TRPC7: variants seen among roughly 807,000 people sequenced by gnomAD.
TRPC7 encodes the protein short transient receptor potential channel 7.
In TRPC7, 42 loss-of-function variants were observed where a neutral mutation model predicts 90.1. The observed-to-expected ratio is 0.47, with a 90% CI of 0.36 to 0.60. TRPC7 has a LOEUF of 0.60. Among genes scored for constraint, TRPC7 ranks in the 20% least tolerant of loss-of-function variants. The pLI, the probability that TRPC7 is intolerant of heterozygous loss-of-function variation, is 0.00. For synonymous variants in TRPC7, 451 were observed against 436.3 expected, an observed-to-expected ratio of 1.03 and a Z score of -0.42; for missense variants, 955 against 1,112.3, an observed-to-expected ratio of 0.86 and a Z score of 2.01.
At chr5:136,218,564 G>T (rs772640533) in intron 10 of TRPC7, among the ~76,000 whole-genome samples, 2 of 152,172 alleles carry the variant, frequency 1.3e-5, no homozygotes, top group Non-Finnish European at 2.9e-5. Flanking sequence ...AAATGGTGTT[G>T]AGGAAAATTC....
At chr5:136,311,426 T>A (rs1758825178) in intron 3 of TRPC7, among the ~76,000 whole-genome samples, 1 of 152,112 alleles carries the variant, frequency 6.6e-6, no homozygotes, top group Non-Finnish European at 1.5e-5. Context: ...GACACTGGGG[T>A]CCCTTCATAA....
At chr5:136,259,609 T>C (rs1213501963) in intron 5 of TRPC7, among the ~76,000 whole-genome samples, 1 of 152,226 alleles carries the variant, frequency 6.6e-6, no homozygotes, top group Non-Finnish European at 1.5e-5. Flanking sequence ...TGAACATCTC[T>C]AGTGCTATAA....
chr5:136,285,230 G>C (rs1757673423), intron 3 of TRPC7, among the ~76,000 whole-genome samples: 1 of 152,168 alleles, frequency 6.6e-6, no homozygotes, highest in South Asian at 2.1e-4. Flanking sequence ...AGTTGTAACA[G>C]ACTTTTAGTT....
chr5:136,218,017 CAA>C (rs546867748), intron 10 of TRPC7, among the ~76,000 whole-genome samples: 11 of 60,144 alleles, frequency 1.8e-4, no homozygotes, highest in Non-Finnish European at 3.2e-4. Context: ...GACTCTAATT[CAA>C]AAAAAAAAAA....
At chr5:136,263,271 C>A (rs1298476702) in intron 5 of TRPC7, among the ~76,000 whole-genome samples, 1 of 152,174 alleles carries the variant, frequency 6.6e-6, no homozygotes, top group Non-Finnish European at 1.5e-5. Context: ...TTATAGTAAG[C>A]CTTCTCCAGA....
rs1212304101 is a variant in TRPC7, at chr5:136,213,274, C to T, written c.*161G>A. The stretch of plus-strand genomic sequence containing the variant: ...GCAGTTCTGGGTCTAGGCAGGCCAG[C>T]GGGCTGGAGATGTCAGTCATGCTGC... On this transcript the variant is annotated 3_prime_UTR_variant, in exon 12 of 12. Coordinates refer to ENST00000513104, the MANE Select transcript of TRPC7 (RefSeq NM_020389.3). The T allele has an allele frequency of 2.8e-5, 20 of 726,768 alleles. No homozygotes were observed. The highest frequency in any genetic ancestry group is 4.0e-5 in the Non-Finnish European group (18 of 445,240). 45.0% of individuals were successfully genotyped at this position (726,768 alleles called of 1,614,324 possible). A position where few individuals can be genotyped will look rare whatever the true frequency, so the allele number is the denominator to read the frequency against.
chr5:136,339,757 C>T (rs540170804), intron 2 of TRPC7, among the ~76,000 whole-genome samples: 13 of 152,274 alleles, frequency 8.5e-5, no homozygotes, highest in African/African-American at 2.9e-4. Context: ...ACCCTAGCTT[C>T]TGAGTTCTTG....
chr5:136,213,375 C>T lies in TRPC7; in HGVS notation c.*60G>A, dbSNP rs568707658. 1.4e-5 allele frequency: 22 copies of T among 1,568,944 alleles called. No individual in the cohort carries two copies. Among genetic ancestry groups the T allele is most frequent in the East Asian group, 4.5e-5 (2 of 44,166 alleles). On this transcript the variant is annotated 3_prime_UTR_variant, in exon 12 of 12. Transcript: ENST00000513104. ...GACCCCTCCCCACCAAGGATGGGGG[C>T]GAGGGCATCCAACCTGGCCTTGGAA...
chr5:136,360,560 G>A (rs1000131524), intron 1 of TRPC7, among the ~76,000 whole-genome samples: 6 of 152,158 alleles, frequency 3.9e-5, no homozygotes, highest in African/African-American at 1.4e-4. Flanking sequence ...GACCTTGAAA[G>A]CAGACACCCA....
At chr5:136,232,906 C>T (rs185575172) in intron 7 of TRPC7, among the ~76,000 whole-genome samples, 5 of 152,170 alleles carry the variant, frequency 3.3e-5, no homozygotes, top group Admixed American at 3.3e-4. Context: ...CAACACTCAC[C>T]CACAAATGGC....
At chr5:136,306,783 TAAG>T (rs1758647224) in intron 3 of TRPC7, among the ~76,000 whole-genome samples, 2 of 152,208 alleles carry the variant, frequency 1.3e-5, no homozygotes, top group Admixed American at 6.5e-5. Context: ...CCCCCACCCT[TAAG>T]AAGTTTCTTT....
At chr5:136,363,325 A>G (rs1400997874) in intron 1 of TRPC7, among the ~76,000 whole-genome samples, 1 of 152,106 alleles carries the variant, frequency 6.6e-6, no homozygotes, top group African/African-American at 2.4e-5. Flanking sequence ...AACGTAAACT[A>G]TTTATCATTG....
intron 2 of TRPC7, among the ~76,000 whole-genome samples, chr5:136,356,346 C>G (rs1223728026): frequency 2.6e-5 from 4 of 152,224 alleles, no homozygotes; most frequent in African/African-American, 7.2e-5. Context: ...TGCCTGCACT[C>G]GCCTGTCTTT....
intron 2 of TRPC7, among the ~76,000 whole-genome samples, chr5:136,354,219 A>T (rs1321516611): frequency 6.6e-6 from 1 of 152,204 alleles, no homozygotes; most frequent in African/African-American, 2.4e-5. Context: ...TCCTCAGCAC[A>T]TCCTTGACCT....
At chr5:136,226,666 T>A (rs1410870821) in intron 8 of TRPC7, among the ~76,000 whole-genome samples, 1 of 152,232 alleles carries the variant, frequency 6.6e-6, no homozygotes, top group African/African-American at 2.4e-5. Context: ...TCTAAAGAAG[T>A]GCTGCTCACT....
intron 2 of TRPC7, among the ~76,000 whole-genome samples, chr5:136,340,120 T>C (rs989995349): frequency 6.6e-6 from 1 of 152,208 alleles, no homozygotes; most frequent in African/African-American, 2.4e-5. Flanking sequence ...TATATACACA[T>C]TGGAATACTA....
intron 2 of TRPC7, among the ~76,000 whole-genome samples, chr5:136,346,926 G>T (rs1055994652): frequency 2.0e-5 from 3 of 152,212 alleles, no homozygotes; most frequent in Non-Finnish European, 4.4e-5. Flanking sequence ...TAGTTAAGAT[G>T]AAGTCCTATT....
chr5:136,347,054 C>G lies in TRPC7; in HGVS notation c.780+9554G>C, dbSNP rs529246026. Among the ~76,000 whole-genome samples, 17 of 152,138 alleles carry G rather than the reference C, an allele frequency of 1.1e-4. No homozygotes were observed. In the South Asian group the frequency reaches 3.5e-3, roughly 32 times the overall value. On this transcript the variant is annotated intron_variant, in intron 2 of 11. Transcript: ENST00000513104. ...AACAGAGGCAGAGACTGGAGTGGTGCGTTGACAAGTCAAGGTTTGGCAGAA... is the reference window on the plus strand; with the variant it reads ...AACAGAGGCAGAGACTGGAGTGGTGGGTTGACAAGTCAAGGTTTGGCAGAA...
chr5:136,362,348 A>G (rs929164132), intron 1 of TRPC7, among the ~76,000 whole-genome samples: 6 of 152,182 alleles, frequency 3.9e-5, no homozygotes, highest in Non-Finnish European at 7.4e-5. Context: ...TTCAAATAAG[A>G]TATAAAGAGA....
Sources: allele counts gnomAD v4.1 joint callset (sites outside exome capture counted in the v4.1 genomes callset), GRCh38; gene constraint gnomAD v4.1.1; transcripts MANE v1.5; gene names NCBI Gene and HGNC (gene_info 2026-07-23, HGNC 2026-07-21).